Variants in SLC1A6 observed in about 807,000 individuals in gnomAD.
SLC1A6 encodes the protein excitatory amino acid transporter 4.
Under a neutral mutation model 42.1 loss-of-function variants are expected in SLC1A6, and 15 were observed. That is an observed-to-expected ratio of 0.36 (90% CI 0.24 to 0.55). The LOEUF is 0.55. Ranked by LOEUF, SLC1A6 falls within the 20% of genes least tolerant of loss-of-function variation. The probability of loss-of-function intolerance (pLI) is 0.88; values close to 1 mark genes in which losing one functional copy is unlikely to be tolerated. For synonymous variants in SLC1A6, 317 were observed against 319.7 expected (o/e 0.99, Z 0.09); for missense variants, 542 against 772.5 (o/e 0.70, Z 3.54).
In SLC1A6 at chr19:14,962,226, C is replaced by T; in HGVS notation, c.711G>A (p.Leu237=). The change falls in exon 6 of 10, where the codon CTG becomes CTA. Residue 237 remains leucine, a synonymous_variant. Coordinates refer to ENST00000594383, the MANE Select transcript of SLC1A6 (RefSeq NM_005071.3). ...TACCCAAGGCCCGAGTGACATTTTC[C>T]AGGAAGCTGGTTCCGTTCTCCACTG... is the stretch of plus-strand genomic sequence containing the variant. ...PFSVENGTSF[L]ENVTRALGTL... is the part of the protein sequence containing the mutation. 1.2e-6 allele frequency: 2 copies of T among 1,614,196 alleles called. No homozygotes were observed. The highest frequency in any genetic ancestry group is 1.7e-6 in the Non-Finnish European group (2 of 1,180,036).
At chr19:14,987,815 C>G (rs1363622313) in intron 1 of SLC1A6, among the ~76,000 whole-genome samples, 1 of 152,142 alleles carries the variant, frequency 6.6e-6, no homozygotes, top group African/African-American at 2.4e-5. Flanking sequence ...CTCAGGGAGC[C>G]TAGTCCAGCA....
chr19:14,963,610 T>G (rs546957633), intron 5 of SLC1A6, among the ~76,000 whole-genome samples: 21 of 152,292 alleles, frequency 1.4e-4, no homozygotes, highest in African/African-American at 4.3e-4. Flanking sequence ...ATTAAAAATA[T>G]TTTTTGAAGA....
At chr19:14,965,650 G>C (rs755106902) in intron 4 of SLC1A6, among the ~76,000 whole-genome samples, 3 of 152,144 alleles carry the variant, frequency 2.0e-5, no homozygotes, top group Non-Finnish European at 2.9e-5. Flanking sequence ...AGGAGTTTGA[G>C]ACCAGCCTGG....
intron 1 of SLC1A6, among the ~76,000 whole-genome samples, chr19:14,995,846 T>C (rs1048016108): frequency 1.3e-5 from 2 of 151,502 alleles, no homozygotes; most frequent in African/African-American, 4.9e-5. Flanking sequence ...AGAAGAGAGA[T>C]GGTAGATCAC....
chr19:14,977,028 C>T (rs914585761), intron 1 of SLC1A6: 3 of 102,158 alleles, frequency 2.9e-5, no homozygotes, highest in African/African-American at 9.3e-5. Context: ...TGCTGCTTCT[C>T]CTTGCTGTGA....
At position 15,003,660 on chromosome 19, in the gene SLC1A6, C is replaced by CAAA. The variant is rs371118940; in HGVS notation, c.6+6822_6+6824dup. ...AGCGAAGGGCATCTCCATGTAATGC[C>CAAA]AAAAAAAAAAAAAAGAAAGAAAAGA... On this transcript the variant is annotated intron_variant, in intron 1 of 8. Coordinates refer to the SLC1A6 transcript ENST00000430939. Among the ~76,000 whole-genome samples, 462 of 121,934 alleles carry CAAA rather than the reference C, an allele frequency of 3.8e-3. 2 individuals carry two copies. The highest frequency in any genetic ancestry group is 0.013 in the Admixed American group (147 of 11,542). 80.0% of individuals were successfully genotyped at this position (121,934 alleles called of 152,430 possible). A position where few individuals can be genotyped will look rare whatever the true frequency, so the allele number is the denominator to read the frequency against.
chr19:14,985,995 C>A (rs1301244041), intron 1 of SLC1A6, among the ~76,000 whole-genome samples: 1 of 151,886 alleles, frequency 6.6e-6, no homozygotes, highest in Non-Finnish European at 1.5e-5. Flanking sequence ...CACACACAGA[C>A]TAATACACCA....
At chr19:14,987,337 C>T (rs1226169023) in intron 1 of SLC1A6, among the ~76,000 whole-genome samples, 1 of 151,906 alleles carries the variant, frequency 6.6e-6, no homozygotes, top group Non-Finnish European at 1.5e-5. Context: ...CATGGTGGTG[C>T]ACACCTGTAA....
intron 1 of SLC1A6, among the ~76,000 whole-genome samples, chr19:14,985,625 A>G (rs932522903): frequency 1.2e-4 from 18 of 152,310 alleles, no homozygotes; most frequent in Admixed American, 1.2e-3. Context: ...AAAATAAAGC[A>G]CTTTTCTTTA....
chr19:14,970,315 C>T (rs2045623456), intron 3 of SLC1A6, among the ~76,000 whole-genome samples: 1 of 152,116 alleles, frequency 6.6e-6, no homozygotes, highest in South Asian at 2.1e-4. Flanking sequence ...AAGCAATTCT[C>T]CTGCCTCAAC....
At position 14,986,423 on chromosome 19, in the gene SLC1A6, G is replaced by A. The variant is rs181426569; in HGVS notation, c.7-13506C>T. 3.0e-4 allele frequency among the ~76,000 whole-genome samples: 46 copies of A among 151,856 alleles called. No individual in the cohort carries two copies. The East Asian group carries it at 9.0e-3, about 30-fold the overall frequency. On this transcript the variant is annotated intron_variant, in intron 1 of 8. Transcript: ENST00000430939. ...TGTAATCTCAGCTACTATGGAGGCTGAGGGAGGAGAATTGCTTGAACCTGG... is the reference window on the plus strand; with the variant it reads ...TGTAATCTCAGCTACTATGGAGGCTAAGGGAGGAGAATTGCTTGAACCTGG...
intron 9 of SLC1A6, among the ~76,000 whole-genome samples, 191 bp from the exon 10 acceptor site, chr19:14,950,581 A>G (rs1349512187): frequency 6.6e-6 from 1 of 152,104 alleles, no homozygotes; most frequent in East Asian, 1.9e-4. Flanking sequence ...AACAGGATGG[A>G]CCAGGTCTGA....
intron 1 of SLC1A6, among the ~76,000 whole-genome samples, chr19:14,996,502 T>G (rs7256837): frequency 2.6e-5 from 4 of 151,898 alleles, no homozygotes; most frequent in Non-Finnish European, 5.9e-5. Context: ...TCTTTCCTCC[T>G]CCTCCTCCTC....
At chr19:14,961,782 T>A in intron 6 of SLC1A6, 1 of 581,596 alleles carries the variant, frequency 1.7e-6, no homozygotes, top group Non-Finnish European at 2.9e-6. Flanking sequence ...AACTAACCAA[T>A]GCATAGAAGA....
intron 1 of SLC1A6, among the ~76,000 whole-genome samples, chr19:15,009,087 A>G (rs2045910931): frequency 2.4e-5 from 3 of 125,954 alleles, no homozygotes; most frequent in Admixed American, 8.2e-5. Flanking sequence ...TATATATCGG[A>G]TACAAATGCC....
At chr19:14,985,778 T>C (rs887906522) in intron 1 of SLC1A6, among the ~76,000 whole-genome samples, 2 of 152,006 alleles carry the variant, frequency 1.3e-5, no homozygotes, top group Non-Finnish European at 2.9e-5. Flanking sequence ...GCCTGTCCAA[T>C]ATGGCAAAAA....
chr19:14,975,816 G>A (rs1225188680), intron 1 of SLC1A6, among the ~76,000 whole-genome samples: 5 of 136,098 alleles, frequency 3.7e-5, no homozygotes, highest in African/African-American at 1.5e-4. Flanking sequence ...GGGAAGGGAA[G>A]GGGACAAAGG....
intron 1 of SLC1A6, among the ~76,000 whole-genome samples, chr19:14,992,073 G>A (rs373148727): frequency 6.6e-6 from 1 of 152,074 alleles, no homozygotes; most frequent in South Asian, 2.1e-4. Context: ...TGATCCACCC[G>A]CCTCAGCCTC....
chr19:15,010,552 C>T (rs1257254933), exon 1 of SLC1A6: 2 of 646,920 alleles, frequency 3.1e-6, no homozygotes, highest in African/African-American at 1.8e-5. Context: ...GGAAGAAGGG[C>T]CATGTTGCTG....
Sources: gnomAD v4.1 joint callset for allele counts (sites outside exome capture counted in the v4.1 genomes callset) on GRCh38, gnomAD v4.1.1 for gene constraint, MANE v1.5 for transcripts, NCBI Gene and HGNC (gene_info 2026-07-23, HGNC 2026-07-21) for gene names.